Variants in POLR3B observed in about 807,000 individuals in gnomAD.
The protein encoded by POLR3B is RNA polymerase III subunit B, also known as DNA-directed RNA polymerase III subunit RPC2.
POLR3B carries 96 observed loss-of-function variants against 147.4 expected under a neutral mutation model. The ratio of observed to expected loss-of-function variants is 0.65; its 90% CI spans 0.55 to 0.77. The LOEUF (loss-of-function observed/expected upper bound fraction) is 0.77, where lower values mean the gene tolerates loss of function less well. Among genes scored for constraint, POLR3B ranks in the 30% least tolerant of loss-of-function variants. POLR3B has a pLI of 0.00. For synonymous variants in POLR3B, 461 were observed against 485.9 expected (o/e 0.95, Z 0.67); for missense variants, 1,036 against 1,413.5 (o/e 0.73, Z 4.28).
chr12:106,427,066 A>G, intron 12 of POLR3B, 131 bp from the exon 13 acceptor site: 1 of 665,494 alleles, frequency 1.5e-6, no homozygotes, highest in Admixed American at 2.9e-5. Flanking sequence ...GAATTTGAAA[A>G]TAGCAATTTT....
chr12:106,453,673 G>A (rs2137026974), intron 19 of POLR3B, among the ~76,000 whole-genome samples: 1 of 152,228 alleles, frequency 6.6e-6, no homozygotes, highest in African/African-American at 2.4e-5. Context: ...ACAAGCCGAG[G>A]AGACTGAAAG....
At chr12:106,404,105 T>C (rs2037115378) in intron 10 of POLR3B, among the ~76,000 whole-genome samples, 1 of 151,486 alleles carries the variant, frequency 6.6e-6, no homozygotes, top group South Asian at 2.1e-4. Context: ...TTTTTTTTTT[T>C]TTTGAGACAG....
intron 12 of POLR3B, among the ~76,000 whole-genome samples, chr12:106,423,949 C>A (rs1371187050): frequency 6.6e-6 from 1 of 151,938 alleles, no homozygotes; most frequent in Non-Finnish European, 1.5e-5. Flanking sequence ...CTCCGCCTCC[C>A]GGGTTCAAGT....
rs1233033548 is a variant in POLR3B, at chr12:106,443,762, C to G, written c.1956-701C>G. On this transcript the variant is annotated intron_variant, in intron 18 of 27. Transcript: ENST00000228347. ...TCTCGACCTACTGACCTCAAGTGAT[C>G]CACCTGCCTCGGCCTCCCAAACTGC... Among the ~76,000 whole-genome samples the G allele has an allele frequency of 2.0e-5, 3 of 152,172 alleles. 1 individual carries two copies. Among genetic ancestry groups the G allele is most frequent in the Non-Finnish European group, 4.4e-5 (3 of 68,040 alleles).
intron 12 of POLR3B, among the ~76,000 whole-genome samples, chr12:106,413,924 A>C (rs1241796815): frequency 1.3e-5 from 2 of 151,908 alleles, no homozygotes; most frequent in South Asian, 4.1e-4. Flanking sequence ...TATTTTTGGT[A>C]ATTTATTGGT....
At chr12:106,507,601 A>G (rs1052784368) in intron 27 of POLR3B, 1 of 276,736 alleles carries the variant, frequency 3.6e-6, no homozygotes, top group Non-Finnish European at 7.1e-6. Context: ...AGGTCTTTAG[A>G]TAATCTTTTA....
intron 14 of POLR3B, 98 bp downstream of exon 14, chr12:106,430,571 G>A (rs147654157): frequency 9.0e-5 from 78 of 867,736 alleles, no homozygotes; most frequent in East Asian, 2.5e-5. Flanking sequence ...CCATCTCCAG[G>A]CCATATCCTT....
At chr12:106,507,849 T>A (rs1433447072) in intron 27 of POLR3B, 1 of 455,354 alleles carries the variant, frequency 2.2e-6, no homozygotes. Context: ...ATTGCAAAAA[T>A]GATCCCTGCT....
chr12:106,472,173 C>T (rs1364853469), intron 23 of POLR3B, among the ~76,000 whole-genome samples: 2 of 131,632 alleles, frequency 1.5e-5, no homozygotes, highest in Non-Finnish European at 3.2e-5. Flanking sequence ...TCATCCATGT[C>T]CCTACAAAGG....
chr12:106,500,485 G>T (rs145588049), intron 25 of POLR3B, among the ~76,000 whole-genome samples: 1 of 152,110 alleles, frequency 6.6e-6, no homozygotes, highest in African/African-American at 2.4e-5. Context: ...GCAATAATCC[G>T]AGAGATAATA....
chr12:106,401,067 A>T (rs972396475), intron 10 of POLR3B, among the ~76,000 whole-genome samples: 2 of 152,232 alleles, frequency 1.3e-5, no homozygotes, highest in Non-Finnish European at 2.9e-5. Flanking sequence ...AACAAAATTG[A>T]TAGACTGCTA....
Position 106,437,142 on chromosome 12 carries a change from A to C in POLR3B, c.1856+11A>C. ...GGCCCAAGGGTACAGGTAAGTAGCC[A>C]AAAGTAAAACTTACCAATCTCCTTA... On this transcript the variant is annotated intron_variant, in intron 17 of 27. Transcript: ENST00000228347. The C allele has an allele frequency of 6.3e-7, 1 of 1,586,262 alleles. No individual in the cohort carries two copies. The highest frequency in any genetic ancestry group is 8.7e-7 in the Non-Finnish European group (1 of 1,155,574).
chr12:106,466,138 C>T (rs895983677), intron 23 of POLR3B, among the ~76,000 whole-genome samples: 4 of 152,096 alleles, frequency 2.6e-5, no homozygotes, highest in African/African-American at 9.7e-5. Context: ...TTTTAATGAT[C>T]GCCATTCTAA....
intron 9 of POLR3B, among the ~76,000 whole-genome samples, chr12:106,392,437 A>T (rs1444532502): frequency 6.6e-6 from 1 of 152,202 alleles, no homozygotes; most frequent in African/African-American, 2.4e-5. Context: ...TGCTAGGATT[A>T]CAGGTGTGAA....
chr12:106,457,323 T>G (rs749479896), intron 21 of POLR3B, 27 bp downstream of exon 21: 6 of 1,576,346 alleles, frequency 3.8e-6, no homozygotes, highest in Non-Finnish European at 2.6e-6. Flanking sequence ...AGAAAAAATT[T>G]TAATACTTTT....
At chr12:106,364,128 G>A (rs2136879550) in intron 2 of POLR3B, among the ~76,000 whole-genome samples, 1 of 152,310 alleles carries the variant, frequency 6.6e-6, no homozygotes, top group East Asian at 1.9e-4. Context: ...ACAGTAGCAT[G>A]GCACATGATT....
At chr12:106,445,587 CT>C (rs1187444751) in intron 19 of POLR3B, among the ~76,000 whole-genome samples, 1 of 152,008 alleles carries the variant, frequency 6.6e-6, no homozygotes, top group Non-Finnish European at 1.5e-5. Context: ...CCAGTGCCCC[CT>C]GACCCCGCCA....
chr12:106,435,706 G>A (rs939881161), intron 16 of POLR3B, among the ~76,000 whole-genome samples: 43 of 152,260 alleles, frequency 2.8e-4, no homozygotes, highest in African/African-American at 1.0e-3. Context: ...TAAGTGCTCA[G>A]TAGGGTGCCA....
chr12:106,503,821 ATAT>A, intron 26 of POLR3B, among the ~76,000 whole-genome samples: 1 of 152,360 alleles, frequency 6.6e-6, no homozygotes, highest in East Asian at 1.9e-4. Context: ...ACATCATATG[ATAT>A]TATGCAATTA....
Sources: allele counts gnomAD v4.1 joint callset (sites outside exome capture counted in the v4.1 genomes callset), GRCh38; gene constraint gnomAD v4.1.1; transcripts MANE v1.5; gene names NCBI Gene and HGNC (gene_info 2026-07-23, HGNC 2026-07-21).